The following LRFN5 variants were observed in gnomAD, a reference collection of about 807,000 sequenced individuals.
LRFN5 encodes leucine-rich repeat and fibronectin type-III domain-containing protein 5.
Under a neutral mutation model 45.6 loss-of-function variants are expected in LRFN5, and 24 were observed. The ratio of observed to expected loss-of-function variants is 0.53; its 90% CI spans 0.38 to 0.74. The LOEUF (loss-of-function observed/expected upper bound fraction) is 0.74, where lower values mean the gene tolerates loss of function less well. Ranked by LOEUF, LRFN5 falls within the 30% of genes least tolerant of loss-of-function variation. The pLI is 0.00. For synonymous variants in LRFN5, 340 were observed against 313.8 expected, an observed-to-expected ratio of 1.08 and a Z score of -0.88; for missense variants, 776 against 861.5, an observed-to-expected ratio of 0.90 and a Z score of 1.24.
At chr14:41,853,368 G>T (rs1403124438) in intron 2 of LRFN5, among the ~76,000 whole-genome samples, 1 of 151,850 alleles carries the variant, frequency 6.6e-6, no homozygotes, top group Non-Finnish European at 1.5e-5. Context: ...TCAAGCAAAA[G>T]GTAATAGAGT....
chr14:41,791,954 A>G (rs1018265483), intron 2 of LRFN5, among the ~76,000 whole-genome samples: 3 of 152,124 alleles, frequency 2.0e-5, no homozygotes, highest in African/African-American at 4.8e-5. Flanking sequence ...TTGAATAACA[A>G]TTTATTATGC....
At chr14:41,682,401 A>AT (rs893964878) in intron 1 of LRFN5, among the ~76,000 whole-genome samples, 2 of 152,138 alleles carry the variant, frequency 1.3e-5, no homozygotes, top group East Asian at 1.9e-4. Flanking sequence ...TTATTAGTTA[A>AT]TTTTTTTATG....
At chr14:41,736,030 A>G (rs982638873) in intron 1 of LRFN5, among the ~76,000 whole-genome samples, 3 of 152,096 alleles carry the variant, frequency 2.0e-5, no homozygotes, top group Admixed American at 6.5e-5. Flanking sequence ...GTTGGTTCCA[A>G]GTCTTTGCTA....
At chr14:41,676,156 A>G (rs1881620303) in intron 1 of LRFN5, among the ~76,000 whole-genome samples, 1 of 152,188 alleles carries the variant, frequency 6.6e-6, no homozygotes, top group East Asian at 1.9e-4. Flanking sequence ...ATGCCCCTTC[A>G]ATGACTGTAT....
chr14:41,815,000 A>C (rs1332789037), intron 2 of LRFN5, among the ~76,000 whole-genome samples: 1 of 152,060 alleles, frequency 6.6e-6, no homozygotes, highest in East Asian at 1.9e-4. Flanking sequence ...TGAAGAACTA[A>C]AAAAAAGTCT....
chr14:41,793,857 C>T (rs1239244778), intron 2 of LRFN5, among the ~76,000 whole-genome samples: 2 of 152,076 alleles, frequency 1.3e-5, no homozygotes, highest in African/African-American at 4.8e-5. Context: ...TTTGGGGGTT[C>T]ATCCACTTGT....
At chr14:41,839,549 G>T (rs1250748477) in intron 2 of LRFN5, among the ~76,000 whole-genome samples, 1 of 152,016 alleles carries the variant, frequency 6.6e-6, no homozygotes, top group African/African-American at 2.4e-5. Flanking sequence ...TTTGCCTGAT[G>T]CTTTCCATAC....
At chr14:41,741,492 C>T (rs1301953946) in intron 1 of LRFN5, among the ~76,000 whole-genome samples, 1 of 151,744 alleles carries the variant, frequency 6.6e-6, no homozygotes, top group Non-Finnish European at 1.5e-5. Context: ...TTTATATCCA[C>T]ATTCAGAAGC....
chr14:41,696,436 A>T (rs974180540), intron 1 of LRFN5, among the ~76,000 whole-genome samples: 1 of 151,892 alleles, frequency 6.6e-6, no homozygotes, highest in East Asian at 1.9e-4. Context: ...ACAGAGAAAT[A>T]TTTTGTATAT....
chr14:41,651,365 C>G (rs1482154369), intron 1 of LRFN5, among the ~76,000 whole-genome samples: 1 of 152,146 alleles, frequency 6.6e-6, no homozygotes, highest in African/African-American at 2.4e-5. Flanking sequence ...AGAACACTCT[C>G]AAACTATGCT....
chr14:41,796,738 A>G (rs1011118001), intron 2 of LRFN5, among the ~76,000 whole-genome samples: 2 of 151,976 alleles, frequency 1.3e-5, no homozygotes, highest in South Asian at 2.1e-4. Flanking sequence ...CTATTTAACA[A>G]CCTCACAAGC....
intron 1 of LRFN5, among the ~76,000 whole-genome samples, chr14:41,721,784 A>G (rs1156976225): frequency 2.0e-5 from 3 of 152,090 alleles, no homozygotes; most frequent in Non-Finnish European, 4.4e-5. Flanking sequence ...TCTTTTTCTC[A>G]AGCTACCTTT....
chr14:41,716,983 T>C (rs1053533384), intron 1 of LRFN5, among the ~76,000 whole-genome samples: 16 of 152,216 alleles, frequency 1.1e-4, no homozygotes, highest in African/African-American at 3.9e-4. Flanking sequence ...TATTTTCTAA[T>C]AGAGTCTTTC....
rs529283831 is a variant in LRFN5 at position 41,663,966 on chromosome 14, C to T, written c.-197+55404C>T. Among the ~76,000 whole-genome samples the T allele has an allele frequency of 6.9e-4, 105 of 152,094 alleles. 2 individuals are homozygous for T. Among genetic ancestry groups the T allele is most frequent in the Non-Finnish European group, 1.3e-3 (88 of 67,944 alleles). ...TAGACTTATATTGGATTACAATCAT[C>T]GTATTCACAGTATGAATTGCAATGT... is the stretch of plus-strand genomic sequence containing the variant. On this transcript the variant is annotated intron_variant, in intron 1 of 5. Transcript: ENST00000298119.
intron 4 of LRFN5, among the ~76,000 whole-genome samples, chr14:41,897,652 T>C (rs1187424656): frequency 2.0e-5 from 3 of 152,136 alleles, no homozygotes; most frequent in Non-Finnish European, 4.4e-5. Flanking sequence ...GTAAAAATTA[T>C]AACTGTTACT....
At chr14:41,850,515 C>T (rs1270834786) in intron 2 of LRFN5, among the ~76,000 whole-genome samples, 3 of 151,776 alleles carry the variant, frequency 2.0e-5, no homozygotes, top group Non-Finnish European at 2.9e-5. Context: ...TATCATAGAA[C>T]TGTGAATATT....
At chr14:41,675,933 A>T (rs1484066355) in intron 1 of LRFN5, among the ~76,000 whole-genome samples, 4 of 152,190 alleles carry the variant, frequency 2.6e-5, no homozygotes, top group African/African-American at 4.8e-5. Flanking sequence ...ACTTTATAAA[A>T]ACAGCGAGGG....
chr14:41,832,515 A>G (rs964405917), intron 2 of LRFN5, among the ~76,000 whole-genome samples: 5 of 152,190 alleles, frequency 3.3e-5, no homozygotes, highest in Non-Finnish European at 5.9e-5. Context: ...TACTAGCAGC[A>G]CTATCAGATT....
At chr14:41,675,008 G>A (rs902289924) in intron 1 of LRFN5, among the ~76,000 whole-genome samples, 12 of 150,788 alleles carry the variant, frequency 8.0e-5, no homozygotes, top group African/African-American at 2.2e-4. Flanking sequence ...GACGATGGGC[G>A]GCCGGGCAGA....
Sources: allele counts gnomAD v4.1 joint callset (sites outside exome capture counted in the v4.1 genomes callset), GRCh38; gene constraint gnomAD v4.1.1; transcripts MANE v1.5; gene names NCBI Gene and HGNC (gene_info 2026-07-23, HGNC 2026-07-21).